Variants in VPS53 observed in about 807,000 individuals in gnomAD.
The protein encoded by VPS53 is vacuolar protein sorting-associated protein 53 homolog.
A neutral mutation model predicts 107.0 loss-of-function variants in VPS53; 70 were observed. The ratio of observed to expected loss-of-function variants is 0.65; its 90% CI spans 0.54 to 0.80. VPS53 has a LOEUF of 0.80. VPS53 is among the 30% of genes least tolerant of loss of function. The pLI, the probability that VPS53 is intolerant of heterozygous loss-of-function variation, is 0.00. For missense variants in VPS53, 917 were observed against 1,049.4 expected, an observed-to-expected ratio of 0.87 and a Z score of 1.74; for synonymous variants, 409 against 393.3, an observed-to-expected ratio of 1.04 and a Z score of -0.47.
intron 13 of VPS53, among the ~76,000 whole-genome samples, chr17:576,621 T>A (rs532261377): frequency 6.7e-6 from 1 of 148,424 alleles, no homozygotes; most frequent in African/African-American, 2.5e-5. Flanking sequence ...CAGAACCTAA[T>A]GTGGTCCCAA....
At position 563,287 on chromosome 17, in the gene VPS53, CTTTTTTTTT is replaced by C. The variant is rs36076034; in HGVS notation, c.1314-551_1314-543del. Among the ~76,000 whole-genome samples, 214 of 103,296 alleles carry C rather than the reference CTTTTTTTTT, an allele frequency of 2.1e-3. 2 individuals carry two copies. Among genetic ancestry groups the C allele is most frequent in the African/African-American group, 6.5e-3 (163 of 25,180 alleles). The allele number at this position is 103,296 out of a possible 152,430, so 67.8% of individuals were successfully genotyped here. On this transcript the variant is annotated intron_variant, in intron 13 of 21. Transcript: ENST00000437048. ...TACCCATCTCACTGAACTTCATTTC[CTTTTTTTTT>C]TTTTTTTTTTTTTTTTGAGACAGAG...
At chr17:642,396 C>G (rs331009) in intron 7 of VPS53, among the ~76,000 whole-genome samples, 1 of 147,376 alleles carries the variant, frequency 6.8e-6, no homozygotes, top group African/African-American at 2.5e-5. Flanking sequence ...CACTCATACT[C>G]GGAAACCGAG....
rs80114294 is a variant in VPS53, at chr17:517,107, G to T, written c.*2021C>A. 8.6e-3 allele frequency: 1,947 copies of T among 225,462 alleles called. 44 individuals are homozygous for T. The highest frequency in any genetic ancestry group is 0.039 in the African/African-American group (1,717 of 44,358). 14.0% of individuals were successfully genotyped at this position (225,462 alleles called of 1,614,324 possible). On this transcript the variant is annotated 3_prime_UTR_variant, in exon 22 of 22. Coordinates refer to ENST00000437048, the MANE Select transcript of VPS53 (RefSeq NM_001128159.3). The stretch of plus-strand genomic sequence containing the variant: ...GTACGGCTCAGGCTGCTTAACCATA[G>T]CAACTCCATGGGCTGGGGTGGGGGC...
intron 10 of VPS53, among the ~76,000 whole-genome samples, chr17:626,638 C>T (rs1416844625): frequency 2.0e-5 from 3 of 152,158 alleles, no homozygotes; most frequent in Admixed American, 2.0e-4. Flanking sequence ...TGTATCACTG[C>T]AGCACTCCAG....
intron 13 of VPS53, among the ~76,000 whole-genome samples, chr17:572,057 G>A (rs1284885851): frequency 6.7e-6 from 1 of 149,406 alleles, no homozygotes; most frequent in Non-Finnish European, 1.5e-5. Flanking sequence ...CGGAAAGTGA[G>A]GAGCGTCTCT....
chr17:589,368 G>C (rs1377237175), intron 12 of VPS53, among the ~76,000 whole-genome samples: 3 of 152,042 alleles, frequency 2.0e-5, no homozygotes, highest in African/African-American at 4.8e-5. Flanking sequence ...TTACTGTATG[G>C]ATGTTAAATT....
chr17:623,037 CACAGAG>C (rs895249268), intron 11 of VPS53, among the ~76,000 whole-genome samples: 2 of 152,086 alleles, frequency 1.3e-5, no homozygotes, highest in African/African-American at 4.8e-5. Flanking sequence ...TCTTTGACTA[CACAGAG>C]ACAAACGTTT....
At chr17:571,487 TTCTCCCTCTCCC>T (rs749005826) in intron 13 of VPS53, among the ~76,000 whole-genome samples, 1 of 119,726 alleles carries the variant, frequency 8.4e-6, no homozygotes, top group African/African-American at 2.8e-5. Flanking sequence ...CTCCCTCTCC[TTCTCCCTCTCCC>T]TCTCCCTACA....
intron 11 of VPS53, among the ~76,000 whole-genome samples, chr17:604,469 G>A (rs1473378810): frequency 6.6e-6 from 1 of 152,216 alleles, no homozygotes; most frequent in Non-Finnish European, 1.5e-5. Flanking sequence ...CTAACGGGCA[G>A]CCCTGAAGAA....
chr17:673,806 T>C (rs1972055767), intron 4 of VPS53: 1 of 152,250 alleles, frequency 6.6e-6, no homozygotes, highest in African/African-American at 2.4e-5. Context: ...TTTGTTAAAA[T>C]GTTCTGTTCC....
In VPS53 at chr17:660,994, C is replaced by T. The variant is rs78488502; in HGVS notation, c.372+815G>A. Among the ~76,000 whole-genome samples the T allele has an allele frequency of 7.6e-3, 1,152 of 152,022 alleles. 18 individuals are homozygous for T. The highest frequency in any genetic ancestry group is 0.059 in the East Asian group (304 of 5,160). ...CGGGGCAAGCTTCTGAGCACAACAC[C>T]GGGGGACACAAATTTGTCAGGGGAG... is the stretch of plus-strand genomic sequence containing the variant. On this transcript the variant is annotated intron_variant, in intron 5 of 21. Coordinates refer to ENST00000437048, the MANE Select transcript of VPS53 (RefSeq NM_001128159.3).
chr17:537,000 C>G (rs752310520), intron 18 of VPS53, 28 bp downstream of exon 18: 4 of 1,612,410 alleles, frequency 2.5e-6, no homozygotes, highest in Non-Finnish European at 3.4e-6. Context: ...GAACAAGAAC[C>G]CAGAGATGAG....
At chr17:553,574 C>CTTTTTTTT (rs35437010) in intron 15 of VPS53, 112 bp from the exon 16 acceptor site, 1 of 553,110 alleles carries the variant, frequency 1.8e-6, no homozygotes, top group Admixed American at 3.5e-5. Flanking sequence ...ATTCCATACA[C>CTTTTTTTT]TTTTTTTTTT....
At chr17:532,704 C>CG in intron 19 of VPS53, 138 bp downstream of exon 19, 1 of 1,432,560 alleles carries the variant, frequency 7.0e-7, no homozygotes, top group African/African-American at 1.4e-5. Flanking sequence ...AGAAACCTTC[C>CG]GGGTGAGTCA....
chr17:699,433 T>TCTTTC (rs1347984073), intron 2 of VPS53, 53 bp from the exon 3 acceptor site: 15 of 1,431,390 alleles, frequency 1.0e-5, no homozygotes, highest in Non-Finnish European at 1.4e-5. Flanking sequence ...CTGGAATTCC[T>TCTTTC]CTTTCACAGG....
intron 11 of VPS53, among the ~76,000 whole-genome samples, chr17:619,985 T>A (rs1433951211): frequency 6.6e-6 from 1 of 152,236 alleles, no homozygotes; most frequent in Non-Finnish European, 1.5e-5. Context: ...CACGCCCCGC[T>A]AGTATTTCCT....
At chr17:682,870 G>A (rs1446132145) in intron 4 of VPS53, among the ~76,000 whole-genome samples, 3 of 152,206 alleles carry the variant, frequency 2.0e-5, no homozygotes, top group Non-Finnish European at 4.4e-5. Flanking sequence ...CTACAGAGGA[G>A]GGGATTTTAA....
chr17:607,749 C>T lies in VPS53; in HGVS notation c.1117-5853G>A, dbSNP rs143565264. On this transcript the variant is annotated intron_variant, in intron 11 of 21. Coordinates refer to ENST00000437048, the MANE Select transcript of VPS53 (RefSeq NM_001128159.3). ...GCTATGATGACAGTTGATTTCAAGC[C>T]GATATAGGAAAGCAAAATTCTTCAT... 3.9e-5 allele frequency among the ~76,000 whole-genome samples: 6 copies of T among 152,212 alleles called. No homozygotes were observed. The East Asian group carries it at 5.8e-4, about 15-fold the overall frequency.
intron 15 of VPS53, among the ~76,000 whole-genome samples, chr17:557,435 C>T (rs186850232): frequency 2.5e-4 from 38 of 152,210 alleles, no homozygotes; most frequent in Admixed American, 2.3e-3. Flanking sequence ...TGTCCCAAGG[C>T]CTAGGACTTG....
Sources: allele counts gnomAD v4.1 joint callset (sites outside exome capture counted in the v4.1 genomes callset), GRCh38; gene constraint gnomAD v4.1.1; transcripts MANE v1.5; gene names NCBI Gene and HGNC (gene_info 2026-07-23, HGNC 2026-07-21).